The following CFAP54 variants were observed in gnomAD, a reference collection of about 807,000 sequenced individuals.
The protein encoded by CFAP54 is cilia- and flagella-associated protein 54.
CFAP54 carries 290 observed loss-of-function variants against 370.4 expected under a neutral mutation model. The ratio of observed to expected loss-of-function variants is 0.78; its 90% CI spans 0.71 to 0.86. The LOEUF (loss-of-function observed/expected upper bound fraction) is 0.86, where lower values mean the gene tolerates loss of function less well. Among genes scored for constraint, CFAP54 ranks in the 40% least tolerant of loss-of-function variants. The pLI is 0.00. For missense variants in CFAP54, 3,399 were observed against 3,528.7 expected, an observed-to-expected ratio of 0.96 and a Z score of 0.93; for synonymous variants, 1,206 against 1,236.5, an observed-to-expected ratio of 0.98 and a Z score of 0.52.
At chr12:96,789,101 A>G (rs1375762188) in intron 62 of CFAP54, among the ~76,000 whole-genome samples, 3 of 152,202 alleles carry the variant, frequency 2.0e-5, no homozygotes, top group South Asian at 2.1e-4. Context: ...AGATTTTCCA[A>G]TCTGGCCTCA....
At chr12:96,630,058 CA>C in intron 30 of CFAP54, 34 bp from the exon 31 acceptor site, 1 of 1,106,212 alleles carries the variant, frequency 9.0e-7, no homozygotes, top group Non-Finnish European at 1.3e-6. Flanking sequence ...CAAATTTTTG[CA>C]GGTCTTTTTG....
intron 9 of CFAP54, among the ~76,000 whole-genome samples, 162 bp from the exon 10 acceptor site, chr12:96,533,630 C>T (rs1458766345): frequency 1.3e-5 from 2 of 152,160 alleles, no homozygotes; most frequent in African/African-American, 4.8e-5. Flanking sequence ...TAAAGCACCA[C>T]CCTGTATTTG....
rs931450589 is a variant in CFAP54, at chr12:96,715,276, T to A, written c.6725-3167T>A. Among the ~76,000 whole-genome samples the A allele has an allele frequency of 1.5e-3, 15 of 9,908 alleles. No individual in the cohort carries two copies. In the African/African-American group the frequency reaches 0.049, roughly 32 times the overall value. The allele number at this position is 9,908 out of a possible 152,430, so 6.5% of individuals were successfully genotyped here. On this transcript the variant is annotated intron_variant, in intron 48 of 67. Coordinates refer to ENST00000524981, the MANE Select transcript of CFAP54 (RefSeq NM_001306084.2). ...TGGTATGAATTTAAAGTGAGAAGAG[T>A]TAGCATCGTTTTTTCCCAGCCACAT...
intron 32 of CFAP54, among the ~76,000 whole-genome samples, chr12:96,638,241 G>GTA (rs58804420): frequency 1.2e-4 from 15 of 123,090 alleles, no homozygotes; most frequent in South Asian, 2.5e-4. Context: ...GTGTGTGTGT[G>GTA]TATATATATA....
At chr12:96,624,625 T>C (rs1363823742) in intron 28 of CFAP54, among the ~76,000 whole-genome samples, 1 of 152,220 alleles carries the variant, frequency 6.6e-6, no homozygotes, top group Non-Finnish European at 1.5e-5. Flanking sequence ...GTACTTCAAA[T>C]CTTCTAGAAC....
At chr12:96,516,825 C>T (rs1461555756) in intron 5 of CFAP54, among the ~76,000 whole-genome samples, 2 of 152,058 alleles carry the variant, frequency 1.3e-5, no homozygotes, top group Non-Finnish European at 1.5e-5. Flanking sequence ...AACTTTAAGT[C>T]CTAACTTTGA....
intron 50 of CFAP54, 29 bp from the exon 51 acceptor site, chr12:96,739,927 T>A: frequency 7.9e-7 from 1 of 1,270,614 alleles, no homozygotes; most frequent in Non-Finnish European, 1.1e-6. Context: ...ATAATACTGA[T>A]AACATTTAAA....
Position 96,522,121 on chromosome 12 carries a change from G to T in CFAP54, c.1090G>T (p.Glu364Ter). Residue 364 changes from glutamate to a stop codon, truncating the protein, a stop_gained, in exon 8 of 68, where the codon GAA becomes TAA. Coordinates refer to ENST00000524981, the MANE Select transcript of CFAP54 (RefSeq NM_001306084.2). LOFTEE classifies it high-confidence loss of function. ...GATGATCTTCAAAAGAGGAGTCTTT[G>T]AATCTAGAAGAAAAAACAAAGCTGT... Reference protein sequence around the residue: ...AVMIFKRGVFESRRKNKAVFR... With the variant: ...AVMIFKRGVF The T allele has an allele frequency of 1.3e-6, 2 of 1,535,682 alleles. No individual in the cohort carries two copies.
At chr12:96,696,171 T>TG (rs1957438358) in intron 45 of CFAP54, among the ~76,000 whole-genome samples, 1 of 152,046 alleles carries the variant, frequency 6.6e-6, no homozygotes, top group Non-Finnish European at 1.5e-5. Flanking sequence ...GTTTAGGGGG[T>TG]GGGGTGGTTC....
At chr12:96,649,660 C>T (rs1204697450) in intron 34 of CFAP54, among the ~76,000 whole-genome samples, 4 of 152,178 alleles carry the variant, frequency 2.6e-5, no homozygotes, top group African/African-American at 7.2e-5. Context: ...TCTGAAATGA[C>T]GTTCTCTGTA....
intron 48 of CFAP54, among the ~76,000 whole-genome samples, chr12:96,710,595 T>C (rs1451633632): frequency 2.0e-5 from 3 of 152,060 alleles, no homozygotes; most frequent in Non-Finnish European, 2.9e-5. Flanking sequence ...GTGAGTCTTT[T>C]ACCATCTCTA....
At chr12:96,646,868 C>T (rs914526054) in intron 33 of CFAP54, 3 of 152,244 alleles carry the variant, frequency 2.0e-5, no homozygotes, top group Admixed American at 6.5e-5. Context: ...AATCAAACAC[C>T]GCATGTTCTC....
chr12:96,619,809 C>G (rs938879943), intron 26 of CFAP54, among the ~76,000 whole-genome samples: 23 of 152,094 alleles, frequency 1.5e-4, no homozygotes, highest in Admixed American at 1.4e-3. Flanking sequence ...ATTCTATTTC[C>G]TTATAGGAAA....
At position 96,815,776 on chromosome 12, in the gene CFAP54, A is replaced by T. The variant is rs191627401; in HGVS notation, c.8958-1999A>T. On this transcript the variant is annotated intron_variant, in intron 64 of 67. Coordinates refer to ENST00000524981, the MANE Select transcript of CFAP54 (RefSeq NM_001306084.2). ...AAGGGGTCCAGTTTCAGTTTTCTGC[A>T]TATAGCTAGCCAGTTTTCCCAATAC... Among the ~76,000 whole-genome samples the T allele has an allele frequency of 1.3e-3, 193 of 152,326 alleles. 2 individuals are homozygous for T. The highest frequency in any genetic ancestry group is 2.4e-3 in the African/African-American group (100 of 41,568).
At chr12:96,519,644 A>G in intron 6 of CFAP54, among the ~76,000 whole-genome samples, 1 of 152,174 alleles carries the variant, frequency 6.6e-6, no homozygotes, top group East Asian at 1.9e-4. Context: ...TTAAAAATTA[A>G]GATTTTTATT....
chr12:96,650,096 A>G, intron 35 of CFAP54, 24 bp downstream of exon 35: 3 of 1,575,692 alleles, frequency 1.9e-6, no homozygotes, highest in Non-Finnish European at 1.7e-6. Context: ...TCTTGTTTGC[A>G]GTGTAGTAGA....
intron 32 of CFAP54, among the ~76,000 whole-genome samples, chr12:96,636,073 G>A (rs1167187425): frequency 6.6e-5 from 10 of 152,142 alleles, no homozygotes; most frequent in Non-Finnish European, 1.3e-4. Context: ...ATATCCTGAG[G>A]CTATCTAGAG....
At chr12:96,594,536 T>C in intron 25 of CFAP54, 90 bp downstream of exon 25, 1 of 1,001,770 alleles carries the variant, frequency 1.0e-6, no homozygotes. Flanking sequence ...GTATCTCTTA[T>C]AAAGGGCAAA....
chr12:96,741,313 C>G (rs1226250163), intron 51 of CFAP54, among the ~76,000 whole-genome samples: 1 of 152,074 alleles, frequency 6.6e-6, no homozygotes, highest in Non-Finnish European at 1.5e-5. Context: ...ACTAGAGGTG[C>G]CTGCCACCAT....
Sources: allele counts gnomAD v4.1 joint callset (sites outside exome capture counted in the v4.1 genomes callset), GRCh38; gene constraint gnomAD v4.1.1; transcripts MANE v1.5; gene names NCBI Gene and HGNC (gene_info 2026-07-23, HGNC 2026-07-21).